Variants in MED26 observed in about 807,000 individuals in gnomAD.
MED26 encodes the protein mediator of RNA polymerase II transcription subunit 26.
Under a neutral mutation model 43.7 loss-of-function variants are expected in MED26, and 7 were observed. The observed-to-expected ratio is 0.16, with a 90% CI of 0.09 to 0.30. The LOEUF (loss-of-function observed/expected upper bound fraction) is 0.30, where lower values mean the gene tolerates loss of function less well. Ranked by LOEUF, MED26 falls within the 10% of genes least tolerant of loss-of-function variation. The probability of loss-of-function intolerance (pLI) is 1.00; values close to 1 mark genes in which losing one functional copy is unlikely to be tolerated. For missense variants in MED26, 784 were observed against 840.6 expected (o/e 0.93, Z 0.83); for synonymous variants, 375 against 371.1 (o/e 1.01, Z -0.12).
At chr19:16,614,399 T>C (rs764295630) in intron 1 of MED26, among the ~76,000 whole-genome samples, 3 of 152,044 alleles carry the variant, frequency 2.0e-5, no homozygotes, top group Non-Finnish European at 4.4e-5. Flanking sequence ...TGTGGTAGCG[T>C]GTGTCTGTAG....
chr19:16,606,462 T>C (rs2086173668), intron 1 of MED26, among the ~76,000 whole-genome samples: 1 of 152,040 alleles, frequency 6.6e-6, no homozygotes, highest in Non-Finnish European at 1.5e-5. Flanking sequence ...TGAGGCAGAA[T>C]TGCTTGAACC....
chr19:16,578,068 C>G, intron 2 of MED26: 1 of 529,862 alleles, frequency 1.9e-6, no homozygotes, highest in Admixed American at 3.6e-5. Context: ...GTGCCTCTCA[C>G]TGGAGCCTCC....
In MED26 at chr19:16,614,344, A is replaced by G. The variant is rs1807416; in HGVS notation, c.72+13528T>C. Among the ~76,000 whole-genome samples the G allele has an allele frequency of 3.3e-5, 5 of 152,180 alleles. No homozygotes were observed. In the East Asian group the frequency reaches 9.7e-4, roughly 29 times the overall value. On this transcript the variant is annotated intron_variant, in intron 1 of 2. Coordinates refer to ENST00000263390, the MANE Select transcript of MED26 (RefSeq NM_004831.5). ...GGAATTTGAGACCAGCCTGGGCAAC[A>G]TGGTGAAACCCCAACTCTACAAAAA...
chr19:16,576,813 C>A lies in MED26; in HGVS notation c.1017G>T (p.Val339=). The A allele has an allele frequency of 1.2e-6, 2 of 1,609,518 alleles. No individual in the cohort carries two copies. The highest frequency in any genetic ancestry group is 2.2e-5 in the South Asian group (2 of 90,838). ...GGCTCTCAGGCTGCTCAAGCCAGCACACTGGGCTTTCCGCACTGGGCAGCA... is the reference window on the plus strand; with the variant it reads ...GGCTCTCAGGCTGCTCAAGCCAGCAAACTGGGCTTTCCGCACTGGGCAGCA... ...LELLPSAESP[V]CWLEQPESHQ... is the part of the protein sequence containing the mutation. The change falls in exon 3 of 3, where the codon GTG becomes GTT. Residue 339 remains valine, a synonymous_variant. Coordinates refer to ENST00000263390, the MANE Select transcript of MED26 (RefSeq NM_004831.5). The surrounding 1 kb of genome is among the most constrained non-coding windows in gnomAD (Gnocchi z 6.8).
At chr19:16,615,920 A>C (rs556977396) in intron 1 of MED26, among the ~76,000 whole-genome samples, 1 of 152,112 alleles carries the variant, frequency 6.6e-6, no homozygotes, top group Non-Finnish European at 1.5e-5. Flanking sequence ...AGTCTCCCCA[A>C]CCTACTCCAG....
chr19:16,621,736 A>G (rs972587957), intron 1 of MED26, among the ~76,000 whole-genome samples: 1 of 152,106 alleles, frequency 6.6e-6, no homozygotes, highest in Admixed American at 6.5e-5. Flanking sequence ...GCCATCTCAC[A>G]GTGCCCCCAG....
rs1362335839 is a variant in MED26, at chr19:16,574,937, T to C, written c.*1090A>G. ...GTGCAAATGGTTTTTTTTTTTTTTT[T>C]ATTTCCACATTTATATCACAAGGTG... On this transcript the variant is annotated 3_prime_UTR_variant, in exon 3 of 3. Coordinates refer to ENST00000263390, the MANE Select transcript of MED26 (RefSeq NM_004831.5). 6.6e-6 allele frequency: 1 copy of C among 152,056 alleles called. No individual in the cohort carries two copies. Among genetic ancestry groups the C allele is most frequent in the East Asian group, 1.9e-4 (1 of 5,178 alleles). The allele number at this position is 152,056 out of a possible 1,614,324, so 9.4% of individuals were successfully genotyped here.
rs780945389 is a variant in MED26, at chr19:16,575,795, C to G, written c.*232G>C. 1.5e-4 allele frequency: 81 copies of G among 554,818 alleles called. No individual in the cohort carries two copies. Among genetic ancestry groups the G allele is most frequent in the Non-Finnish European group, 2.3e-4 (71 of 309,002 alleles). The allele number at this position is 554,818 out of a possible 1,614,324, so 34.4% of individuals were successfully genotyped here. A position where few individuals can be genotyped will look rare whatever the true frequency, so the allele number is the denominator to read the frequency against. On this transcript the variant is annotated 3_prime_UTR_variant, in exon 3 of 3. Transcript: ENST00000263390. ...ACTCACTTTGCCGTCCTTCCTTCCA[C>G]GCGGTCCTTCTTCGCAATTTTGTTA...
In MED26 at chr19:16,586,415, A is replaced by G. The variant is rs961658262; in HGVS notation, c.73-8006T>C. Among the ~76,000 whole-genome samples, 1 of 152,216 alleles carries G rather than the reference A, an allele frequency of 6.6e-6. No homozygotes were observed. The highest frequency in any genetic ancestry group is 1.5e-5 in the Non-Finnish European group (1 of 68,028). On this transcript the variant is annotated intron_variant, in intron 1 of 2. Transcript: ENST00000263390. This position sits in a 1 kb window ranked among gnomAD's most constrained non-coding sequence, Gnocchi z 5.1. ...TCTGGTGCTTTGAGTAGGTGGGGTG[A>G]AGGGTACCAGGTGCCACCAGCCTGT...
intron 1 of MED26, among the ~76,000 whole-genome samples, chr19:16,595,427 G>A (rs2086115883): frequency 6.6e-6 from 1 of 152,168 alleles, no homozygotes; most frequent in African/African-American, 2.4e-5. Context: ...CACTGCTGTT[G>A]TCAGATGTGC....
At chr19:16,609,136 GA>G (rs2086187117) in intron 1 of MED26, among the ~76,000 whole-genome samples, 1 of 151,874 alleles carries the variant, frequency 6.6e-6, no homozygotes, top group Non-Finnish European at 1.5e-5. Context: ...CCAAAATGCA[GA>G]AACCCTGTCT....
intron 1 of MED26, among the ~76,000 whole-genome samples, chr19:16,592,318 C>A (rs2122405014): frequency 6.6e-6 from 1 of 152,334 alleles, no homozygotes; most frequent in Non-Finnish European, 1.5e-5. Flanking sequence ...CCCACAGAGC[C>A]CACCAGGCAC....
chr19:16,608,223 C>T (rs2122434438), intron 1 of MED26, among the ~76,000 whole-genome samples: 1 of 152,366 alleles, frequency 6.6e-6, no homozygotes, highest in South Asian at 2.1e-4. Flanking sequence ...CCCGTGGTGA[C>T]ACTTTCAGGA....
At chr19:16,588,817 G>A (rs1356542747) in intron 1 of MED26, 1 of 152,314 alleles carries the variant, frequency 6.6e-6, no homozygotes, top group Non-Finnish European at 1.5e-5. Flanking sequence ...CCCCCCGCCT[G>A]CCTGTCCAAT....
chr19:16,597,305 T>C (rs2086124879), intron 1 of MED26: 1 of 397,816 alleles, frequency 2.5e-6, no homozygotes, highest in Non-Finnish European at 4.4e-6. Context: ...TCACAGGCAG[T>C]GCAGGACCCA....
chr19:16,601,762 T>C (rs1456932094), intron 1 of MED26, among the ~76,000 whole-genome samples: 2 of 152,140 alleles, frequency 1.3e-5, no homozygotes, highest in African/African-American at 4.8e-5. Flanking sequence ...ATGCGCAGAG[T>C]GCCAGACAAG....
intron 1 of MED26, among the ~76,000 whole-genome samples, chr19:16,582,273 CTG>C (rs2086049510): frequency 6.6e-6 from 1 of 151,934 alleles, no homozygotes; most frequent in Non-Finnish European, 1.5e-5. Context: ...AGTCTGAACA[CTG>C]TGTGGGGAGC....
At position 16,626,571 on chromosome 19, in the gene MED26, C is replaced by T. The variant is rs529872022; in HGVS notation, c.72+1301G>A. Among the ~76,000 whole-genome samples the T allele has an allele frequency of 1.1e-3, 165 of 151,930 alleles. 2 individuals carry two copies. In the Middle Eastern group the frequency reaches 0.024, roughly 22 times the overall value. ...CAGAGCCTTCGAAAAAACTCATAAC[C>T]CTTCAGTCTTAACCAAAAATTGTAT... On this transcript the variant is annotated intron_variant, in intron 1 of 2. Coordinates refer to ENST00000263390, the MANE Select transcript of MED26 (RefSeq NM_004831.5).
At chr19:16,598,887 T>C (rs1330243089) in intron 1 of MED26, among the ~76,000 whole-genome samples, 1 of 151,968 alleles carries the variant, frequency 6.6e-6, no homozygotes, top group African/African-American at 2.4e-5. Flanking sequence ...TGCTGAAAAA[T>C]TTAATGGCTA....
Sources: allele counts gnomAD v4.1 joint callset (sites outside exome capture counted in the v4.1 genomes callset), GRCh38; gene constraint gnomAD v4.1.1; non-coding constraint Gnocchi (gnomAD v3.1); transcripts MANE v1.5; gene names NCBI Gene and HGNC (gene_info 2026-07-23, HGNC 2026-07-21).